KPNA1: variants seen among roughly 807,000 people sequenced by gnomAD.
KPNA1 encodes karyopherin subunit alpha 1.
Under a neutral mutation model 70.5 loss-of-function variants are expected in KPNA1, and 10 were observed. The observed-to-expected ratio is 0.14, with a 90% CI of 0.09 to 0.24. The LOEUF is 0.24. Among genes scored for constraint, KPNA1 ranks in the 10% least tolerant of loss-of-function variants. The pLI is 1.00. For missense variants in KPNA1, 397 were observed against 637.9 expected (o/e 0.62, Z 4.07); for synonymous variants, 192 against 221.9 (o/e 0.87, Z 1.20).
chr3:122,509,243 CAAACAAAA>C (rs1275462590), intron 1 of KPNA1, among the ~76,000 whole-genome samples: 1 of 132,012 alleles, frequency 7.6e-6, no homozygotes, highest in Non-Finnish European at 1.6e-5. Flanking sequence ...GACTCTCTAT[CAAACAAAA>C]AAAAAAAAAA....
chr3:122,488,218 A>G (rs2076652543), intron 2 of KPNA1, among the ~76,000 whole-genome samples: 1 of 152,210 alleles, frequency 6.6e-6, no homozygotes, highest in African/African-American at 2.4e-5. Context: ...ATGATTTTTA[A>G]GTTTAAAAAT....
intron 2 of KPNA1, among the ~76,000 whole-genome samples, chr3:122,479,538 T>C (rs2076546773): frequency 6.6e-6 from 1 of 152,148 alleles, no homozygotes; most frequent in Non-Finnish European, 1.5e-5. Flanking sequence ...GGCAGGTGGA[T>C]CACCTGAGGT....
At chr3:122,446,125 T>G (rs904533910) in intron 9 of KPNA1, among the ~76,000 whole-genome samples, 2 of 152,050 alleles carry the variant, frequency 1.3e-5, no homozygotes, top group Non-Finnish European at 2.9e-5. Flanking sequence ...CGACAGAAGG[T>G]TAACAAGGAT....
chr3:122,456,211 T>C (rs2107740521), intron 5 of KPNA1, among the ~76,000 whole-genome samples: 1 of 152,330 alleles, frequency 6.6e-6, no homozygotes, highest in South Asian at 2.1e-4. Flanking sequence ...GTAGTTTCTT[T>C]TGCTTACTAG....
At chr3:122,457,093 G>A (rs2076272642) in intron 5 of KPNA1, among the ~76,000 whole-genome samples, 2 of 147,048 alleles carry the variant, frequency 1.4e-5, no homozygotes, top group South Asian at 4.4e-4. Flanking sequence ...GTTAATGTTA[G>A]AAGAAGTAAC....
chr3:122,484,192 C>T (rs1446473699), intron 2 of KPNA1, among the ~76,000 whole-genome samples: 1 of 152,122 alleles, frequency 6.6e-6, no homozygotes, highest in Admixed American at 6.5e-5. Flanking sequence ...GATACTGGTA[C>T]TGGACAGCCT....
chr3:122,460,471 T>C (rs1047196419), intron 5 of KPNA1: 1 of 254,644 alleles, frequency 3.9e-6, no homozygotes, highest in African/African-American at 2.3e-5. Context: ...ACCTCATCTC[T>C]ACTAAAAATA....
At chr3:122,506,292 AT>A (rs1167254400) in intron 1 of KPNA1, among the ~76,000 whole-genome samples, 7 of 152,244 alleles carry the variant, frequency 4.6e-5, no homozygotes, top group Admixed American at 4.6e-4. Flanking sequence ...TAGAAAGTAT[AT>A]GATATGCATT....
chr3:122,492,096 G>A (rs1559748962), intron 2 of KPNA1, among the ~76,000 whole-genome samples: 1 of 151,714 alleles, frequency 6.6e-6, no homozygotes. Context: ...TCCTGACCTC[G>A]TGATCCGCCC....
intron 3 of KPNA1, among the ~76,000 whole-genome samples, chr3:122,465,301 AATACACCT>A (rs2076368055): frequency 6.6e-6 from 1 of 152,236 alleles, no homozygotes; most frequent in Non-Finnish European, 1.5e-5. Flanking sequence ...AAGTACACTT[AATACACCT>A]AACCTACCAA....
At chr3:122,470,979 A>T (rs565475641) in intron 2 of KPNA1, among the ~76,000 whole-genome samples, 10 of 152,360 alleles carry the variant, frequency 6.6e-5, no homozygotes, top group Admixed American at 2.0e-4. Context: ...TCTTGGAGTC[A>T]TCCTATTCAG....
At chr3:122,476,016 G>C (rs141868756) in intron 2 of KPNA1, among the ~76,000 whole-genome samples, 3 of 152,228 alleles carry the variant, frequency 2.0e-5, no homozygotes, top group African/African-American at 7.2e-5. Context: ...AGCAGTTCAA[G>C]ACCTTATTCA....
At chr3:122,452,269 GTTTGTT>G (rs1235452511) in intron 6 of KPNA1, among the ~76,000 whole-genome samples, 1 of 151,980 alleles carries the variant, frequency 6.6e-6, no homozygotes, top group African/African-American at 2.4e-5. Context: ...ATTCATTTTT[GTTTGTT>G]TTTGTTTTTT....
intron 8 of KPNA1, 32 bp from the exon 9 acceptor site, chr3:122,449,769 A>C (rs2076179310): frequency 6.3e-7 from 1 of 1,579,186 alleles, no homozygotes; most frequent in Admixed American, 1.8e-5. Context: ...TATGAAATTC[A>C]ATAGACTAAA....
intron 11 of KPNA1, among the ~76,000 whole-genome samples, chr3:122,434,246 T>C (rs960380663): frequency 2.0e-5 from 3 of 152,212 alleles, no homozygotes; most frequent in African/African-American, 7.2e-5. Flanking sequence ...CTATCCCTAA[T>C]CCTTATTCTG....
intron 9 of KPNA1, among the ~76,000 whole-genome samples, chr3:122,446,137 T>A (rs2107731862): frequency 6.6e-6 from 1 of 152,294 alleles, no homozygotes; most frequent in Admixed American, 6.5e-5. Context: ...AACAAGGATA[T>A]CCAGGACTTG....
At chr3:122,449,504 T>C in intron 9 of KPNA1, 70 bp downstream of exon 9, 1 of 1,202,122 alleles carries the variant, frequency 8.3e-7, no homozygotes, top group Admixed American at 2.2e-5. Flanking sequence ...CATTAATATT[T>C]AAGTATTAGC....
chr3:122,477,656 G>A (rs2076518048), intron 2 of KPNA1, among the ~76,000 whole-genome samples: 1 of 151,952 alleles, frequency 6.6e-6, no homozygotes, highest in Admixed American at 6.6e-5. Context: ...ACTCCAGCCT[G>A]GGCGACAGAG....
intron 2 of KPNA1, among the ~76,000 whole-genome samples, chr3:122,473,951 G>A (rs150078242): frequency 1.2e-3 from 175 of 152,170 alleles, no homozygotes; most frequent in Non-Finnish European, 2.2e-3. Context: ...TCCACATGGA[G>A]AATTCAAAAG....
Sources: allele counts gnomAD v4.1 joint callset (sites outside exome capture counted in the v4.1 genomes callset), GRCh38; gene constraint gnomAD v4.1.1; transcripts MANE v1.5; gene names NCBI Gene and HGNC (gene_info 2026-07-23, HGNC 2026-07-21).